GRM1: variants seen among roughly 807,000 people sequenced by gnomAD.
The protein encoded by GRM1 is metabotropic glutamate receptor 1.
Under a neutral mutation model 90.9 loss-of-function variants are expected in GRM1, and 33 were observed. That is an observed-to-expected ratio of 0.36 (90% CI 0.28 to 0.49). The LOEUF (loss-of-function observed/expected upper bound fraction) is 0.49, where lower values mean the gene tolerates loss of function less well. Ranked by LOEUF, GRM1 falls within the 20% of genes least tolerant of loss-of-function variation. The pLI is 0.99. For missense variants in GRM1, 1,190 were observed against 1,534.3 expected (o/e 0.78, Z 3.75); for synonymous variants, 700 against 613.2 (o/e 1.14, Z -2.09).
At chr6:146,404,427 A>G (rs1230539077) in intron 7 of GRM1, among the ~76,000 whole-genome samples, 14 of 152,304 alleles carry the variant, frequency 9.2e-5, no homozygotes, top group South Asian at 6.2e-4. Context: ...GCTATGTGCC[A>G]TAGTAGAAAA....
chr6:146,299,063 C>G (rs1183481073), intron 2 of GRM1, among the ~76,000 whole-genome samples: 1 of 152,174 alleles, frequency 6.6e-6, no homozygotes, highest in African/African-American at 2.4e-5. Flanking sequence ...CCAAAGACTT[C>G]CTTCCCTCTG....
At chr6:146,074,511 C>T (rs934905940) in intron 1 of GRM1, among the ~76,000 whole-genome samples, 2 of 152,088 alleles carry the variant, frequency 1.3e-5, no homozygotes, top group African/African-American at 2.4e-5. Context: ...GAAGTCTTTT[C>T]GTCTCAGAAT....
chr6:146,377,651 T>C (rs185325270), intron 5 of GRM1, among the ~76,000 whole-genome samples: 40 of 152,226 alleles, frequency 2.6e-4, no homozygotes, highest in African/African-American at 6.3e-4. Context: ...ACTGCAGAAG[T>C]TTGCATAAGC....
At chr6:146,181,244 A>C (rs936429515) in intron 2 of GRM1, among the ~76,000 whole-genome samples, 6 of 151,954 alleles carry the variant, frequency 3.9e-5, no homozygotes, top group Non-Finnish European at 8.8e-5. Flanking sequence ...ACCTTTAAAA[A>C]AAAAACAAAA....
chr6:146,373,919 G>A (rs1775997578), intron 5 of GRM1, among the ~76,000 whole-genome samples: 1 of 152,096 alleles, frequency 6.6e-6, no homozygotes, highest in Admixed American at 6.6e-5. Context: ...AGTGCTGATA[G>A]TGAGTATCCT....
intron 1 of GRM1, among the ~76,000 whole-genome samples, chr6:146,044,861 G>C (rs1199223924): frequency 1.3e-5 from 2 of 151,848 alleles, no homozygotes; most frequent in Non-Finnish European, 2.9e-5. Context: ...GTTATTTTAG[G>C]CTCTCCTTGG....
intron 3 of GRM1, among the ~76,000 whole-genome samples, chr6:146,313,346 A>G (rs1031232579): frequency 3.3e-5 from 5 of 152,176 alleles, no homozygotes; most frequent in Non-Finnish European, 7.3e-5. Flanking sequence ...CTGAAGTTGA[A>G]TGGTCTGTCA....
intron 2 of GRM1, among the ~76,000 whole-genome samples, chr6:146,232,846 A>G (rs561953105): frequency 1.3e-5 from 2 of 152,112 alleles, no homozygotes; most frequent in African/African-American, 4.8e-5. Context: ...GACACAATTC[A>G]TTCCATAACA....
At chr6:146,142,371 T>G (rs1663579206) in intron 1 of GRM1, among the ~76,000 whole-genome samples, 1 of 152,116 alleles carries the variant, frequency 6.6e-6, no homozygotes, top group African/African-American at 2.4e-5. Context: ...AGCACAGCAG[T>G]GTGGAACTCA....
intron 2 of GRM1, among the ~76,000 whole-genome samples, chr6:146,168,487 G>T (rs2128893745): frequency 6.6e-6 from 1 of 151,868 alleles, no homozygotes. Flanking sequence ...TATCTTTCAA[G>T]AAATAAAAAA....
chr6:146,156,311 C>A (rs1228281722), intron 1 of GRM1, among the ~76,000 whole-genome samples: 1 of 152,182 alleles, frequency 6.6e-6, no homozygotes, highest in Admixed American at 6.5e-5. Context: ...GAGGCTGAGA[C>A]AGGAGAATTA....
chr6:146,293,494 T>C (rs747396749), intron 2 of GRM1, among the ~76,000 whole-genome samples: 1 of 152,028 alleles, frequency 6.6e-6, no homozygotes, highest in Admixed American at 6.5e-5. Context: ...TCTCTTTTTA[T>C]ACCTTCCTTA....
chr6:146,297,531 T>G (rs1405512578), intron 2 of GRM1, among the ~76,000 whole-genome samples: 1 of 152,140 alleles, frequency 6.6e-6, no homozygotes, highest in Non-Finnish European at 1.5e-5. Flanking sequence ...TTTGGATACT[T>G]AGGATGAATT....
chr6:146,221,245 G>A (rs151150058), intron 2 of GRM1, among the ~76,000 whole-genome samples: 1 of 152,198 alleles, frequency 6.6e-6, no homozygotes, highest in Non-Finnish European at 1.5e-5. Context: ...AGAACGTGCA[G>A]GTTTGTAACA....
At chr6:146,341,363 C>A (rs1438403253) in intron 3 of GRM1, among the ~76,000 whole-genome samples, 1 of 152,142 alleles carries the variant, frequency 6.6e-6, no homozygotes. Context: ...GTAGAGGGAC[C>A]ACTCCTATTT....
At chr6:146,097,627 TC>T (rs1201636676) in intron 1 of GRM1, among the ~76,000 whole-genome samples, 3 of 152,118 alleles carry the variant, frequency 2.0e-5, no homozygotes, top group Non-Finnish European at 2.9e-5. Context: ...TCCAGTATCT[TC>T]CCCCCCTACA....
At chr6:146,221,756 T>C (rs538248661) in intron 2 of GRM1, among the ~76,000 whole-genome samples, 6 of 152,148 alleles carry the variant, frequency 3.9e-5, no homozygotes, top group Non-Finnish European at 8.8e-5. Context: ...ATTTAGGCTT[T>C]GTGGGCCATG....
chr6:146,032,815 G>C (rs1790755018), intron 1 of GRM1, among the ~76,000 whole-genome samples: 1 of 152,058 alleles, frequency 6.6e-6, no homozygotes, highest in African/African-American at 2.4e-5. Context: ...AATACCAAAA[G>C]CACTAAGTGA....
At chr6:146,096,629 T>C (rs1374284454) in intron 1 of GRM1, among the ~76,000 whole-genome samples, 1 of 152,178 alleles carries the variant, frequency 6.6e-6, no homozygotes, top group African/African-American at 2.4e-5. Flanking sequence ...GTTCACTTGC[T>C]GGTGTATCAC....
Sources: allele counts gnomAD v4.1 joint callset (sites outside exome capture counted in the v4.1 genomes callset), GRCh38; gene constraint gnomAD v4.1.1; transcripts MANE v1.5; gene names NCBI Gene and HGNC (gene_info 2026-07-23, HGNC 2026-07-21).